NEIL3: variants seen among roughly 807,000 people sequenced by gnomAD.
NEIL3 encodes the protein endonuclease 8-like 3.
NEIL3 carries 48 observed loss-of-function variants against 57.5 expected under a neutral mutation model. The ratio of observed to expected loss-of-function variants is 0.83; its 90% confidence interval spans 0.66 to 1.06. The LOEUF is 1.06. NEIL3 is among the 50% of genes least tolerant of loss of function. The pLI is 0.00. For missense variants in NEIL3, 717 were observed against 739.1 expected (o/e 0.97, Z 0.35); for synonymous variants, 261 against 253.2 (o/e 1.03, Z -0.29).
At chr4:177,340,014 T>TTGA (rs1735060788) in intron 5 of NEIL3, among the ~76,000 whole-genome samples, 157 bp downstream of exon 5, 2 of 152,338 alleles carry the variant, frequency 1.3e-5, no homozygotes, top group South Asian at 4.1e-4. Flanking sequence ...AATTAACATC[T>TTGA]TGAAATTCTA....
In NEIL3 at chr4:177,359,114, A is replaced by G. The variant is rs17064712; in HGVS notation, c.1461-1389A>G. Reference sequence around the variant, plus strand: ...GGTGAACTGAAAGGTTGTGGAAAAGAAAAGTCCTCTGCCTCTCAGCTTTCC... The same window carrying G: ...GGTGAACTGAAAGGTTGTGGAAAAGGAAAGTCCTCTGCCTCTCAGCTTTCC... On this transcript the variant is annotated intron_variant, in intron 8 of 9. Coordinates refer to ENST00000264596, the MANE Select transcript of NEIL3 (RefSeq NM_018248.3). Among the ~76,000 whole-genome samples, 199 of 152,324 alleles carry G rather than the reference A, an allele frequency of 1.3e-3. 1 individual carries two copies. In the East Asian group the frequency reaches 0.019, roughly 14 times the overall value.
At chr4:177,355,232 A>G (rs1018405566) in intron 8 of NEIL3, among the ~76,000 whole-genome samples, 1 of 152,136 alleles carries the variant, frequency 6.6e-6, no homozygotes, top group Non-Finnish European at 1.5e-5. Context: ...TCGTCCTCCC[A>G]TGTATGTCTT....
chr4:177,349,593 C>A (rs1458005113), intron 6 of NEIL3, among the ~76,000 whole-genome samples: 1 of 152,128 alleles, frequency 6.6e-6, no homozygotes, highest in South Asian at 2.1e-4. Context: ...CATCTGCAAA[C>A]CCTCCTTCTT....
chr4:177,351,638 T>A (rs1030990780), intron 7 of NEIL3, 89 bp downstream of exon 7: 8 of 1,005,878 alleles, frequency 8.0e-6, no homozygotes, highest in Middle Eastern at 4.3e-4. Flanking sequence ...CATCTTGATA[T>A]TCCATAACTA....
At chr4:177,335,384 T>C (rs1382201021) in intron 2 of NEIL3, among the ~76,000 whole-genome samples, 2 of 152,194 alleles carry the variant, frequency 1.3e-5, no homozygotes, top group Admixed American at 1.3e-4. Flanking sequence ...ATACTTCATC[T>C]GACAAGAAAA....
At chr4:177,357,495 A>G (rs1262689720) in intron 8 of NEIL3, among the ~76,000 whole-genome samples, 1 of 152,226 alleles carries the variant, frequency 6.6e-6, no homozygotes, top group Admixed American at 6.5e-5. Context: ...ACTGTGATAA[A>G]TTGACCATGA....
At chr4:177,357,842 AATAG>A (rs1735508752) in intron 8 of NEIL3, among the ~76,000 whole-genome samples, 1 of 152,348 alleles carries the variant, frequency 6.6e-6, no homozygotes, top group South Asian at 2.1e-4. Flanking sequence ...CTGTTGTATT[AATAG>A]ATCACTTATA....
downstream of NEIL3, among the ~76,000 whole-genome samples, chr4:177,365,397 A>T (rs1320911145): frequency 2.0e-5 from 3 of 152,212 alleles, no homozygotes; most frequent in African/African-American, 2.4e-5. Flanking sequence ...AATGAATGTG[A>T]ATTATAGGAC....
At chr4:177,364,694 C>T (rs1735669569), downstream of NEIL3, among the ~76,000 whole-genome samples, 1 of 152,128 alleles carries the variant, frequency 6.6e-6, no homozygotes, top group Non-Finnish European at 1.5e-5. Context: ...CTGTGGGAGG[C>T]CGAGGCAGGC....
downstream of NEIL3, among the ~76,000 whole-genome samples, chr4:177,363,180 A>G (rs2110948117): frequency 6.6e-6 from 1 of 152,280 alleles, no homozygotes; most frequent in East Asian, 1.9e-4. Flanking sequence ...ACAGATCACT[A>G]TGATTGTTCC....
At chr4:177,318,322 A>G (rs1020471506) in intron 1 of NEIL3, among the ~76,000 whole-genome samples, 10 of 152,276 alleles carry the variant, frequency 6.6e-5, no homozygotes, top group Admixed American at 2.6e-4. Context: ...TGTTTTTTCA[A>G]TTGATCTCAC....
At position 177,341,623 on chromosome 4, in the gene NEIL3, C is replaced by T; in HGVS notation, c.850C>T (p.Pro284Ser). The part of the protein sequence containing the change: ...YFCPHCQKEN[P>S]QHVDICKLPT... Reference sequence around the variant, plus strand: ...CTGTCCTCACTGTCAAAAAGAAAATCCTCAACATGTTGACATATGGTAAGA... The same window carrying T: ...CTGTCCTCACTGTCAAAAAGAAAATTCTCAACATGTTGACATATGGTAAGA... The change falls in exon 6 of 10, where the codon CCT becomes TCT. Residue 284 changes from proline (P) to serine (S), a missense_variant. Coordinates refer to ENST00000264596, the MANE Select transcript of NEIL3 (RefSeq NM_018248.3). 5 of 1,613,006 alleles carry T rather than the reference C, an allele frequency of 3.1e-6. No individual in the cohort carries two copies. The highest frequency in any genetic ancestry group is 4.2e-6 in the Non-Finnish European group (5 of 1,179,590).
intron 6 of NEIL3, among the ~76,000 whole-genome samples, chr4:177,346,602 C>G (rs778503274): frequency 6.6e-6 from 1 of 152,178 alleles, no homozygotes; most frequent in Non-Finnish European, 1.5e-5. Context: ...TCTATTGGAC[C>G]TTTCTGCCTC....
intron 5 of NEIL3, among the ~76,000 whole-genome samples, chr4:177,341,086 A>G (rs1047077025): frequency 6.6e-6 from 1 of 152,152 alleles, no homozygotes; most frequent in African/African-American, 2.4e-5. Context: ...AGTCTTCTAA[A>G]AATAATCAGA....
intron 2 of NEIL3, among the ~76,000 whole-genome samples, chr4:177,334,785 G>T (rs887737822): frequency 1.3e-5 from 2 of 152,112 alleles, no homozygotes; most frequent in Non-Finnish European, 2.9e-5. Flanking sequence ...AGTAGCATTC[G>T]CTGCCAAAAG....
At chr4:177,356,179 T>G (rs1735469775) in intron 8 of NEIL3, among the ~76,000 whole-genome samples, 1 of 152,200 alleles carries the variant, frequency 6.6e-6, no homozygotes, top group Non-Finnish European at 1.5e-5. Context: ...ATGAAATATC[T>G]TGGCATATTT....
intron 1 of NEIL3, 56 bp downstream of exon 1, chr4:177,310,165 C>A: frequency 6.9e-7 from 1 of 1,450,752 alleles, no homozygotes; most frequent in South Asian, 1.4e-5. Context: ...GGAATAAAGA[C>A]CCCATCAGGG....
intron 4 of NEIL3, among the ~76,000 whole-genome samples, chr4:177,337,101 A>G (rs996673916): frequency 6.6e-6 from 1 of 152,162 alleles, no homozygotes; most frequent in East Asian, 1.9e-4. Context: ...TGCAAAAAAA[A>G]AAAAGTGGTT....
rs546750275 is a variant in NEIL3, at chr4:177,339,046, A to T, written c.628-737A>T. ...ATAACTACTGTTAATGGTACTAAAT[A>T]GATCCGTAAGAAATAGAGCTCTAGA... On this transcript the variant is annotated intron_variant, in intron 4 of 9. Coordinates refer to ENST00000264596, the MANE Select transcript of NEIL3 (RefSeq NM_018248.3). 7.9e-5 allele frequency among the ~76,000 whole-genome samples: 12 copies of T among 152,344 alleles called. No individual in the cohort carries two copies. The South Asian group carries it at 1.0e-3, about 13-fold the overall frequency.
Sources: allele counts gnomAD v4.1 joint callset (sites outside exome capture counted in the v4.1 genomes callset), GRCh38; gene constraint gnomAD v4.1.1; transcripts MANE v1.5; gene names NCBI Gene and HGNC (gene_info 2026-07-23, HGNC 2026-07-21).